The following ZHX2 variants were observed in gnomAD, a reference collection of about 807,000 sequenced individuals.
The protein encoded by ZHX2 is zinc fingers and homeoboxes protein 2.
Under a neutral mutation model 21.9 loss-of-function variants are expected in ZHX2, and 6 were observed. The observed-to-expected ratio is 0.27, with a 90% confidence interval of 0.15 to 0.54. The LOEUF (loss-of-function observed/expected upper bound fraction) is 0.54, where lower values mean the gene tolerates loss of function less well. ZHX2 is among the 20% of genes least tolerant of loss of function. The pLI is 0.95. For synonymous variants in ZHX2, 434 were observed against 437.1 expected, an observed-to-expected ratio of 0.99 and a Z score of 0.09; for missense variants, 908 against 1,090.7, an observed-to-expected ratio of 0.83 and a Z score of 2.36.
intron 2 of ZHX2, among the ~76,000 whole-genome samples, chr8:122,866,819 CTTTATTT>C (rs1411796734): frequency 5.9e-5 from 9 of 152,038 alleles, no homozygotes; most frequent in Non-Finnish European, 1.0e-4. Context: ...AAAATAATTT[CTTTATTT>C]TTTATTTTTT....
At chr8:122,889,143 T>C (rs1439758654) in intron 2 of ZHX2, among the ~76,000 whole-genome samples, 1 of 152,218 alleles carries the variant, frequency 6.6e-6, no homozygotes, top group Non-Finnish European at 1.5e-5. Flanking sequence ...GACATTTAGT[T>C]TGATTTCATA....
intron 2 of ZHX2, among the ~76,000 whole-genome samples, chr8:122,885,807 A>G (rs1480854649): frequency 2.0e-5 from 3 of 152,194 alleles, no homozygotes; most frequent in African/African-American, 7.2e-5. Flanking sequence ...TAAACATTCA[A>G]CATTGGAGGA....
At chr8:122,889,992 T>C (rs185073565) in intron 2 of ZHX2, among the ~76,000 whole-genome samples, 8 of 152,342 alleles carry the variant, frequency 5.3e-5, no homozygotes, top group African/African-American at 1.7e-4. Context: ...GTTTTGCTTT[T>C]GATGTCTGTG....
intron 1 of ZHX2, among the ~76,000 whole-genome samples, chr8:122,798,657 C>A (rs1817658807): frequency 6.6e-6 from 1 of 152,052 alleles, no homozygotes; most frequent in African/African-American, 2.4e-5. Context: ...GTAGTATGCA[C>A]CTCTAGTCCC....
At chr8:122,837,618 CA>C (rs1225594352) in intron 1 of ZHX2, among the ~76,000 whole-genome samples, 2 of 152,150 alleles carry the variant, frequency 1.3e-5, no homozygotes, top group Admixed American at 1.3e-4. Context: ...GTGCGTTTTA[CA>C]GGTGGGGAAT....
At chr8:122,962,930 G>A (rs1332928844) in intron 3 of ZHX2, among the ~76,000 whole-genome samples, 2 of 151,526 alleles carry the variant, frequency 1.3e-5, no homozygotes, top group Non-Finnish European at 2.9e-5. Context: ...ATCTTCTTTT[G>A]AGAATTGTCT....
At chr8:122,827,892 C>T (rs183781055) in intron 1 of ZHX2, among the ~76,000 whole-genome samples, 3 of 152,268 alleles carry the variant, frequency 2.0e-5, no homozygotes, top group African/African-American at 7.2e-5. Flanking sequence ...CAGGAGGATC[C>T]CTTTGAGCCC....
chr8:122,955,068 C>A (rs1366952712), intron 3 of ZHX2, among the ~76,000 whole-genome samples: 1 of 33,640 alleles, frequency 3.0e-5, no homozygotes, highest in Non-Finnish European at 5.6e-5. Context: ...GTCACATAAG[C>A]CGGGGGGGGG....
intron 2 of ZHX2, among the ~76,000 whole-genome samples, chr8:122,876,652 G>A (rs1819580818): frequency 6.6e-6 from 1 of 152,216 alleles, no homozygotes; most frequent in Non-Finnish European, 1.5e-5. Flanking sequence ...GCTCCACGAG[G>A]ACGGGGTAGC....
At chr8:122,840,934 C>T (rs1235949700) in intron 1 of ZHX2, among the ~76,000 whole-genome samples, 1 of 152,214 alleles carries the variant, frequency 6.6e-6, no homozygotes, top group Non-Finnish European at 1.5e-5. Context: ...CACCTGCCAA[C>T]AGCTCTTTGC....
Position 122,782,256 on chromosome 8 carries a change from A to C in ZHX2, c.-283+310A>C, listed in dbSNP as rs2130500083. ...GGGAGCCAGAGCGAGGAGGAGGAGG[A>C]GGAGGAGGAAAAACATGTCTACGTT... On this transcript the variant is annotated intron_variant, in intron 1 of 3. Transcript: ENST00000314393. This position sits in a 1 kb window ranked among gnomAD's most constrained non-coding sequence, Gnocchi z 5.3. Among the ~76,000 whole-genome samples the C allele has an allele frequency of 6.6e-6, 1 of 151,986 alleles. No homozygotes were observed.
chr8:122,927,369 C>G (rs1820883899), intron 2 of ZHX2, among the ~76,000 whole-genome samples: 6 of 152,136 alleles, frequency 3.9e-5, no homozygotes, highest in Admixed American at 3.9e-4. Flanking sequence ...GTGGCATATG[C>G]CTATAATCCC....
chr8:122,824,082 T>A (rs1363873588), intron 1 of ZHX2, among the ~76,000 whole-genome samples: 1 of 152,228 alleles, frequency 6.6e-6, no homozygotes, highest in Non-Finnish European at 1.5e-5. Flanking sequence ...TTTTTCAGAC[T>A]TCTTTCCCCT....
intron 2 of ZHX2, among the ~76,000 whole-genome samples, chr8:122,865,322 G>T (rs958344020): frequency 1.3e-5 from 2 of 152,046 alleles, no homozygotes; most frequent in Non-Finnish European, 2.9e-5. Flanking sequence ...TAGAGATGGG[G>T]TTTCACCATG....
chr8:122,864,640 C>T lies in ZHX2; in HGVS notation c.-220+1101C>T, dbSNP rs141477910. Among the ~76,000 whole-genome samples, 968 of 152,206 alleles carry T rather than the reference C, an allele frequency of 6.4e-3. 4 individuals are homozygous for T. The highest frequency in any genetic ancestry group is 0.017 in the Middle Eastern group (5 of 294). On this transcript the variant is annotated intron_variant, in intron 2 of 3. Coordinates refer to ENST00000314393, the MANE Select transcript of ZHX2 (RefSeq NM_014943.5). ...AACAGGTGGCAAGACTCACCCACCC[C>T]CCCACTCCCCAGGGCCCCAGAGAAG...
At chr8:122,852,389 A>G (rs1277272519) in intron 1 of ZHX2, among the ~76,000 whole-genome samples, 1 of 152,148 alleles carries the variant, frequency 6.6e-6, no homozygotes, top group Non-Finnish European at 1.5e-5. Context: ...CTTTACACTT[A>G]TTAACTCATT....
At chr8:122,965,031 CTGTT>C (rs1813546674) in intron 3 of ZHX2, among the ~76,000 whole-genome samples, 2 of 111,528 alleles carry the variant, frequency 1.8e-5, no homozygotes, top group Non-Finnish European at 3.9e-5. Context: ...CTTCTCTCTT[CTGTT>C]TTTTTTTTTT....
chr8:122,881,461 C>A (rs1819711818), intron 2 of ZHX2, among the ~76,000 whole-genome samples: 1 of 152,178 alleles, frequency 6.6e-6, no homozygotes, highest in African/African-American at 2.4e-5. Context: ...ATTGTATTTA[C>A]CTCTCAGAGT....
intron 2 of ZHX2, among the ~76,000 whole-genome samples, chr8:122,879,067 G>C (rs937811325): frequency 6.6e-6 from 1 of 152,134 alleles, no homozygotes; most frequent in Non-Finnish European, 1.5e-5. Context: ...TTCCCTGCAG[G>C]GCAGCACAGC....
Sources: gnomAD v4.1 joint callset for allele counts (sites outside exome capture counted in the v4.1 genomes callset) on GRCh38, gnomAD v4.1.1 for gene constraint, Gnocchi (gnomAD v3.1) non-coding constraint, MANE v1.5 for transcripts, NCBI Gene and HGNC (gene_info 2026-07-23, HGNC 2026-07-21) for gene names.